KIF6: variants seen among roughly 807,000 people sequenced by gnomAD.
The protein encoded by KIF6 is kinesin-like protein KIF6.
Under a neutral mutation model 112.7 loss-of-function variants are expected in KIF6, and 106 were observed. That is an observed-to-expected ratio of 0.94 (90% CI 0.80 to 1.11). The LOEUF (loss-of-function observed/expected upper bound fraction) is 1.11, where lower values mean the gene tolerates loss of function less well. Ranked by LOEUF, KIF6 falls within the 50% of genes least tolerant of loss-of-function variation. KIF6 has a pLI of 0.00. For synonymous variants in KIF6, 339 were observed against 339.9 expected (o/e 1.00, Z 0.03); for missense variants, 929 against 964.0 (o/e 0.96, Z 0.48).
chr6:39,539,491 G>A (rs567224422), intron 13 of KIF6, among the ~76,000 whole-genome samples: 16 of 152,002 alleles, frequency 1.1e-4, no homozygotes, highest in African/African-American at 3.1e-4. Flanking sequence ...TTACAGGCGC[G>A]CACCACCACG....
In KIF6 at chr6:39,336,389, A is replaced by T; in HGVS notation, c.*143T>A. 2.6e-6 allele frequency: 2 copies of T among 776,714 alleles called. No homozygotes were observed. The highest frequency in any genetic ancestry group is 2.0e-5 in the Admixed American group (1 of 49,938). The allele number at this position is 776,714 out of a possible 1,614,324, so 48.1% of individuals were successfully genotyped here. A position where few individuals can be genotyped will look rare whatever the true frequency, so the allele number is the denominator to read the frequency against. ...CAGGTCAGCATCCTTAAAGAAACAC[A>T]GTCCCCTCCATGGGAATCAAAGTCA... On this transcript the variant is annotated 3_prime_UTR_variant, in exon 23 of 23. Transcript: ENST00000287152.
intron 3 of KIF6, among the ~76,000 whole-genome samples, chr6:39,643,794 C>T (rs562768780): frequency 2.6e-5 from 4 of 151,894 alleles, no homozygotes; most frequent in African/African-American, 9.7e-5. Flanking sequence ...ATCAAAAGCA[C>T]AAAGAGCCAA....
chr6:39,450,614 G>A (rs1164787196), intron 13 of KIF6, among the ~76,000 whole-genome samples: 1 of 152,084 alleles, frequency 6.6e-6, no homozygotes, highest in African/African-American at 2.4e-5. Context: ...AGACCAGCCT[G>A]GGCAACATGG....
At position 39,336,490 on chromosome 6, in the gene KIF6, A is replaced by G. The variant is rs773771305; in HGVS notation, c.*42T>C. 2.5e-6 allele frequency: 4 copies of G among 1,605,550 alleles called. No homozygotes were observed. The highest frequency in any genetic ancestry group is 2.2e-5 in the East Asian group (1 of 44,830). Reference sequence around the variant, plus strand: ...GGGGCGCTGCCTTCATCTGTGCTTCATTCTTGCTGGCATAATTCATGGATG... The same window carrying G: ...GGGGCGCTGCCTTCATCTGTGCTTCGTTCTTGCTGGCATAATTCATGGATG... On this transcript the variant is annotated 3_prime_UTR_variant, in exon 23 of 23. Coordinates refer to ENST00000287152, the MANE Select transcript of KIF6 (RefSeq NM_145027.6).
intron 10 of KIF6, among the ~76,000 whole-genome samples, chr6:39,562,671 A>T (rs1357840122): frequency 2.0e-5 from 3 of 152,204 alleles, no homozygotes; most frequent in Admixed American, 6.5e-5. Context: ...GCTGAATGTT[A>T]TTTGCCTCAT....
chr6:39,351,716 T>C (rs935614917), intron 19 of KIF6, among the ~76,000 whole-genome samples: 10 of 152,114 alleles, frequency 6.6e-5, no homozygotes, highest in African/African-American at 1.4e-4. Flanking sequence ...GAGCAGGATA[T>C]TGCTACCAGT....
chr6:39,478,144 C>T (rs1048875068), intron 13 of KIF6, among the ~76,000 whole-genome samples: 8 of 152,100 alleles, frequency 5.3e-5, no homozygotes, highest in African/African-American at 1.9e-4. Flanking sequence ...ACACCCATCA[C>T]CCTAGCAGTA....
intron 3 of KIF6, among the ~76,000 whole-genome samples, chr6:39,693,432 C>T (rs1200447851): frequency 6.6e-6 from 1 of 152,218 alleles, no homozygotes; most frequent in Non-Finnish European, 1.5e-5. Flanking sequence ...GAGTCACTTA[C>T]AGCTTGGTAT....
intron 13 of KIF6, among the ~76,000 whole-genome samples, chr6:39,498,654 T>C (rs1247323036): frequency 6.6e-6 from 1 of 152,156 alleles, no homozygotes; most frequent in African/African-American, 2.4e-5. Context: ...TAAAACTTTA[T>C]GTATAAAAAT....
intron 3 of KIF6, among the ~76,000 whole-genome samples, chr6:39,669,201 T>A (rs1786661874): frequency 6.6e-6 from 1 of 152,096 alleles, no homozygotes; most frequent in Admixed American, 6.6e-5. Flanking sequence ...ATTTCAAAGG[T>A]CACTTTTTAA....
In KIF6 at chr6:39,420,184, T is replaced by C. The variant is rs539278273; in HGVS notation, c.1755-181A>G. On this transcript the variant is annotated intron_variant, in intron 14 of 22. Coordinates refer to ENST00000287152, the MANE Select transcript of KIF6 (RefSeq NM_145027.6). ...ATAGAGAGAAAATTGGTATTAATTA[T>C]AGGTATTGTTAATTTTTACTCTATC... 2.2e-3 allele frequency among the ~76,000 whole-genome samples: 333 copies of C among 152,316 alleles called. 2 individuals are homozygous for C. Among genetic ancestry groups the C allele is most frequent in the African/African-American group, 7.4e-3 (308 of 41,574 alleles).
chr6:39,641,258 G>A (rs1321418890), intron 3 of KIF6, among the ~76,000 whole-genome samples: 1 of 152,026 alleles, frequency 6.6e-6, no homozygotes, highest in Non-Finnish European at 1.5e-5. Flanking sequence ...AAGAATAGAT[G>A]TAAAATATTC....
intron 13 of KIF6, among the ~76,000 whole-genome samples, chr6:39,498,271 TCTCCC>T (rs1775901657): frequency 6.6e-6 from 1 of 152,198 alleles, no homozygotes; most frequent in South Asian, 2.1e-4. Flanking sequence ...AGTTCCCTTA[TCTCCC>T]TCTAGAATAT....
chr6:39,568,832 T>A (rs1780475542), intron 10 of KIF6, among the ~76,000 whole-genome samples: 1 of 152,326 alleles, frequency 6.6e-6, no homozygotes. Flanking sequence ...ATTATAGGCA[T>A]GAGCCACTGA....
chr6:39,334,838 T>C lies in KIF6; in HGVS notation c.*1694A>G, dbSNP rs9380848. 36,690 of 151,974 alleles carry C rather than the reference T, an allele frequency of 0.24. 4,717 individuals are homozygous for C. The highest frequency in any genetic ancestry group is 0.46 in the East Asian group (2,388 of 5,140). The allele number at this position is 151,974 out of a possible 1,614,324, so 9.4% of individuals were successfully genotyped here. On this transcript the variant is annotated 3_prime_UTR_variant, in exon 23 of 23. Transcript: ENST00000287152. Reference sequence around the variant, plus strand: ...TTCCATGGACTCTTGGGGAGGCTTCTAGAATCAGAATTTGGTCTTCCTCTG... The same window carrying C: ...TTCCATGGACTCTTGGGGAGGCTTCCAGAATCAGAATTTGGTCTTCCTCTG...
chr6:39,693,654 C>T (rs970900014), intron 3 of KIF6, among the ~76,000 whole-genome samples: 1 of 151,580 alleles, frequency 6.6e-6, no homozygotes. Context: ...TAATGAGTTC[C>T]AAAATGGAAT....
intron 10 of KIF6, among the ~76,000 whole-genome samples, chr6:39,551,078 T>C (rs1779352926): frequency 6.6e-6 from 1 of 152,236 alleles, no homozygotes; most frequent in South Asian, 2.1e-4. Flanking sequence ...CTCTTCCATA[T>C]ACTGATTTCC....
In KIF6 at chr6:39,564,852, C is replaced by T. The variant is rs147327242; in HGVS notation, c.1181+13204G>A. ...ATTTATTCCAATGCTTAGCTGAATA[C>T]GAAGATAATACCATTTCACAGACCA... On this transcript the variant is annotated intron_variant, in intron 10 of 22. Coordinates refer to ENST00000287152, the MANE Select transcript of KIF6 (RefSeq NM_145027.6). 8.5e-5 allele frequency among the ~76,000 whole-genome samples: 13 copies of T among 152,242 alleles called. No homozygotes were observed. The East Asian group carries it at 1.7e-3, about 20-fold the overall frequency.
intron 22 of KIF6, among the ~76,000 whole-genome samples, chr6:39,340,505 T>G (rs1031748139): frequency 1.3e-5 from 2 of 152,196 alleles, no homozygotes; most frequent in African/African-American, 4.8e-5. Context: ...ATCAGCTGTG[T>G]AACCTTGGGC....
Sources: gnomAD v4.1 joint callset for allele counts (sites outside exome capture counted in the v4.1 genomes callset) on GRCh38, gnomAD v4.1.1 for gene constraint, MANE v1.5 for transcripts, NCBI Gene and HGNC (gene_info 2026-07-23, HGNC 2026-07-21) for gene names.